Variants in ETNK1 observed in about 807,000 individuals in gnomAD.
ETNK1 encodes the protein ethanolamine kinase 1, also known as putative protein product of Nbla10396.
ETNK1 carries 8 observed loss-of-function variants against 45.1 expected under a neutral mutation model. The ratio of observed to expected loss-of-function variants is 0.18; its 90% CI spans 0.10 to 0.32. The LOEUF (loss-of-function observed/expected upper bound fraction) is 0.32. Among genes scored for constraint, ETNK1 ranks in the 10% least tolerant of loss-of-function variants. ETNK1 has a pLI of 1.00. For synonymous variants in ETNK1, 152 were observed against 151.9 expected (o/e 1.00, Z -0.01); for missense variants, 302 against 430.6 (o/e 0.70, Z 2.64).
intron 1 of ETNK1, among the ~76,000 whole-genome samples, chr12:22,627,038 T>G (rs1180729500): frequency 6.6e-6 from 1 of 152,156 alleles, no homozygotes; most frequent in Admixed American, 6.5e-5. Context: ...TGTTGGCAGA[T>G]CAGTTACTTT....
At chr12:22,650,061 C>T (rs1417486265) in intron 2 of ETNK1, among the ~76,000 whole-genome samples, 1 of 151,960 alleles carries the variant, frequency 6.6e-6, no homozygotes, top group Admixed American at 6.6e-5. Flanking sequence ...GGGGGTGTTA[C>T]TGTAAAAGGA....
intron 6 of ETNK1, 107 bp downstream of exon 6, chr12:22,673,767 T>A (rs996415927): frequency 3.5e-6 from 4 of 1,139,078 alleles, no homozygotes; most frequent in Non-Finnish European, 5.0e-6. Flanking sequence ...TGTGAATTTT[T>A]GTTCAAAATA....
rs1953996846 is a variant in ETNK1 at position 22,661,263 on chromosome 12, A to G, written c.700+58A>G. ...GATTTCTTTTATGTTCTTAATGGTC[A>G]TTTTATCTCTATATCAACAAAATAA... is the stretch of plus-strand genomic sequence containing the variant. On this transcript the variant is annotated intron_variant, in intron 4 of 7. Coordinates refer to ENST00000266517, the MANE Select transcript of ETNK1 (RefSeq NM_018638.5). 7.6e-5 allele frequency: 108 copies of G among 1,427,022 alleles called. 2 individuals are homozygous for G. The South Asian group carries it at 1.1e-3, about 14-fold the overall frequency. The allele number at this position is 1,427,022 out of a possible 1,614,324, so 88.4% of individuals were successfully genotyped here.
At chr12:22,684,011 G>A (rs569475023) in intron 6 of ETNK1, among the ~76,000 whole-genome samples, 29 of 152,234 alleles carry the variant, frequency 1.9e-4, no homozygotes, top group African/African-American at 7.0e-4. Flanking sequence ...AATTAAGCCA[G>A]TAAGATCATT....
chr12:22,641,556 A>G (rs923106526), intron 1 of ETNK1, among the ~76,000 whole-genome samples: 1 of 152,166 alleles, frequency 6.6e-6, no homozygotes, highest in Non-Finnish European at 1.5e-5. Context: ...CATGACTTCA[A>G]GGCCTAGTGA....
intron 1 of ETNK1, among the ~76,000 whole-genome samples, chr12:22,640,471 A>T (rs1953721735): frequency 6.6e-6 from 1 of 151,464 alleles, no homozygotes; most frequent in South Asian, 2.1e-4. Flanking sequence ...ATTTGGATTT[A>T]AGCTACTTTT....
intron 2 of ETNK1, among the ~76,000 whole-genome samples, chr12:22,651,769 T>G (rs1477231877): frequency 1.3e-5 from 2 of 148,960 alleles, no homozygotes; most frequent in Non-Finnish European, 3.0e-5. Context: ...AAGTGCAATC[T>G]CTGCCTCCCA....
chr12:22,651,171 G>A (rs1250173046), intron 2 of ETNK1, among the ~76,000 whole-genome samples: 1 of 152,188 alleles, frequency 6.6e-6, no homozygotes, highest in East Asian at 1.9e-4. Context: ...TTTGCAGAGG[G>A]CACGGAAGAT....
At chr12:22,655,341 T>G (rs1230864517) in intron 2 of ETNK1, among the ~76,000 whole-genome samples, 3 of 148,608 alleles carry the variant, frequency 2.0e-5, no homozygotes, top group East Asian at 3.9e-4. Flanking sequence ...TTTTTTTTTT[T>G]TTTTTTTTTT....
chr12:22,662,515 C>A (rs1039009403), intron 4 of ETNK1, among the ~76,000 whole-genome samples: 1 of 152,048 alleles, frequency 6.6e-6, no homozygotes, highest in South Asian at 2.1e-4. Flanking sequence ...CTGCCCCAGT[C>A]CCCTGAGTAG....
intron 4 of ETNK1, among the ~76,000 whole-genome samples, chr12:22,668,193 T>C (rs1954073236): frequency 6.6e-6 from 1 of 152,218 alleles, no homozygotes; most frequent in South Asian, 2.1e-4. Context: ...AATATTCTAG[T>C]TGTCTTTTCA....
intron 6 of ETNK1, among the ~76,000 whole-genome samples, chr12:22,677,698 G>C (rs952070128): frequency 6.6e-6 from 1 of 152,120 alleles, no homozygotes; most frequent in African/African-American, 2.4e-5. Context: ...CAGTGGTTTT[G>C]TAGTTCTCCT....
chr12:22,678,393 G>A (rs2137574516), intron 6 of ETNK1, among the ~76,000 whole-genome samples: 3 of 152,268 alleles, frequency 2.0e-5, no homozygotes, highest in South Asian at 4.1e-4. Flanking sequence ...TCTGTCAGTA[G>A]CATTTGACAG....
At position 22,689,625 on chromosome 12, in the gene ETNK1, G is replaced by A. The variant is rs141362576; in HGVS notation, c.*4671G>A. ...ACTAGCCAACAGAATTGTAGGTGAT[G>A]CATTAGTTAAATTTCAAAACTCATA... On this transcript the variant is annotated 3_prime_UTR_variant, in exon 8 of 8. Coordinates refer to ENST00000266517, the MANE Select transcript of ETNK1 (RefSeq NM_018638.5). 2.6e-5 allele frequency: 4 copies of A among 152,112 alleles called. No individual in the cohort carries two copies. In the East Asian group the frequency reaches 7.7e-4, roughly 29 times the overall value. The allele number at this position is 152,112 out of a possible 1,614,324, so 9.4% of individuals were successfully genotyped here.
At chr12:22,678,902 T>C (rs1395079489) in intron 6 of ETNK1, among the ~76,000 whole-genome samples, 3 of 152,188 alleles carry the variant, frequency 2.0e-5, no homozygotes, top group Non-Finnish European at 2.9e-5. Context: ...CAAACTGTTA[T>C]GTTTATATGT....
intron 6 of ETNK1, among the ~76,000 whole-genome samples, chr12:22,674,705 A>G (rs1954143328): frequency 6.6e-6 from 1 of 152,220 alleles, no homozygotes; most frequent in Non-Finnish European, 1.5e-5. Context: ...GTTAATTTCC[A>G]GGTAAAGTAC....
intron 1 of ETNK1, among the ~76,000 whole-genome samples, chr12:22,629,027 C>T (rs1401452024): frequency 6.6e-6 from 1 of 152,066 alleles, no homozygotes; most frequent in East Asian, 1.9e-4. Context: ...ATTAAACTTC[C>T]TGTCTCAGTA....
At chr12:22,668,851 C>G (rs1171622717) in intron 4 of ETNK1, among the ~76,000 whole-genome samples, 1 of 152,114 alleles carries the variant, frequency 6.6e-6, no homozygotes, top group Non-Finnish European at 1.5e-5. Context: ...CATAGTGAAA[C>G]AGATTTTAAC....
At chr12:22,645,206 A>G (rs1953791999) in intron 2 of ETNK1, among the ~76,000 whole-genome samples, 1 of 151,842 alleles carries the variant, frequency 6.6e-6, no homozygotes, top group South Asian at 2.1e-4. Flanking sequence ...AAATACCTAT[A>G]TAACAGCATT....
Sources: allele counts gnomAD v4.1 joint callset (sites outside exome capture counted in the v4.1 genomes callset), GRCh38; gene constraint gnomAD v4.1.1; transcripts MANE v1.5; gene names NCBI Gene and HGNC (gene_info 2026-07-23, HGNC 2026-07-21).